Variants in CDH12 observed in about 807,000 individuals in gnomAD.
The protein encoded by CDH12 is cadherin 12.
Under a neutral mutation model 74.1 loss-of-function variants are expected in CDH12, and 41 were observed. The ratio of observed to expected loss-of-function variants is 0.55; its 90% CI spans 0.43 to 0.72. The LOEUF (loss-of-function observed/expected upper bound fraction) is 0.72. Ranked by LOEUF, CDH12 falls within the 30% of genes least tolerant of loss-of-function variation. The probability of loss-of-function intolerance (pLI) is 0.00; values close to 1 mark genes in which losing one functional copy is unlikely to be tolerated. For missense variants in CDH12, 945 were observed against 977.2 expected, an observed-to-expected ratio of 0.97 and a Z score of 0.44; for synonymous variants, 399 against 355.0, an observed-to-expected ratio of 1.12 and a Z score of -1.39.
chr5:22,327,148 A>G (rs1413144115), intron 3 of CDH12, among the ~76,000 whole-genome samples: 2 of 152,138 alleles, frequency 1.3e-5, no homozygotes, highest in African/African-American at 4.8e-5. Context: ...TTAATACAAT[A>G]CAAATGTCTA....
At chr5:22,520,431 G>C (rs1737002287) in intron 1 of CDH12, among the ~76,000 whole-genome samples, 1 of 152,002 alleles carries the variant, frequency 6.6e-6, no homozygotes, top group African/African-American at 2.4e-5. Flanking sequence ...CCATTATAAG[G>C]AATCCAGCAA....
chr5:22,706,883 A>G (rs1743035090), intron 1 of CDH12, among the ~76,000 whole-genome samples: 1 of 152,154 alleles, frequency 6.6e-6, no homozygotes. Context: ...ATTCTGAAAA[A>G]GGGGGAAAAT....
chr5:22,517,894 C>T (rs1736873234), intron 1 of CDH12, among the ~76,000 whole-genome samples: 1 of 152,156 alleles, frequency 6.6e-6, no homozygotes, highest in Non-Finnish European at 1.5e-5. Flanking sequence ...GAGAAAATAT[C>T]TCACACATTA....
chr5:21,820,293 G>A (rs1343607901), intron 8 of CDH12, among the ~76,000 whole-genome samples: 4 of 152,060 alleles, frequency 2.6e-5, no homozygotes, highest in Non-Finnish European at 4.4e-5. Context: ...TAAATAGGGT[G>A]TTTTGTTTTA....
chr5:21,751,526 G>T lies in CDH12; in HGVS notation c.*211C>A. On this transcript the variant is annotated 3_prime_UTR_variant, in exon 15 of 15. Transcript: ENST00000382254. ...GTACACATTATAGGATGTATCTCTT[G>T]TTGGCAGAATAAACCAAAACTGACA... is the stretch of plus-strand genomic sequence containing the variant. 1.8e-6 allele frequency: 1 copy of T among 550,844 alleles called. No individual in the cohort carries two copies. Among genetic ancestry groups the T allele is most frequent in the Non-Finnish European group, 3.2e-6 (1 of 310,500 alleles). The allele number at this position is 550,844 out of a possible 1,614,324, so 34.1% of individuals were successfully genotyped here. A position where few individuals can be genotyped will look rare whatever the true frequency, so the allele number is the denominator to read the frequency against.
intron 1 of CDH12, among the ~76,000 whole-genome samples, chr5:22,794,622 G>A (rs1174503057): frequency 6.6e-6 from 1 of 152,022 alleles, no homozygotes; most frequent in African/African-American, 2.4e-5. Context: ...GATTTAGAGA[G>A]AATAGAAAAA....
At chr5:22,033,011 A>T in intron 5 of CDH12, among the ~76,000 whole-genome samples, 1 of 147,932 alleles carries the variant, frequency 6.8e-6, no homozygotes, top group East Asian at 2.0e-4. Flanking sequence ...ACCACAGCCA[A>T]GAGGCTATAT....
chr5:22,474,467 T>G (rs991901605), intron 2 of CDH12, among the ~76,000 whole-genome samples: 4 of 152,012 alleles, frequency 2.6e-5, no homozygotes, highest in African/African-American at 9.7e-5. Flanking sequence ...GATAACTGAG[T>G]GGTCAAATAG....
rs115181502 is a variant in CDH12 at position 22,356,324 on chromosome 5, G to T, written c.-333+48933C>A. Among the ~76,000 whole-genome samples the T allele has an allele frequency of 5.8e-4, 88 of 152,184 alleles. 1 individual carries two copies. The highest frequency in any genetic ancestry group is 2.0e-3 in the African/African-American group (84 of 41,522). On this transcript the variant is annotated intron_variant, in intron 3 of 14. Coordinates refer to ENST00000382254, the MANE Select transcript of CDH12 (RefSeq NM_004061.5). Reference sequence around the variant, plus strand: ...GATAAGATAATTCATATCACATTTAGATAACAATGGTTTTATTATGCAGCT... The same window carrying T: ...GATAAGATAATTCATATCACATTTATATAACAATGGTTTTATTATGCAGCT...
chr5:21,752,256 G>A lies in CDH12; in HGVS notation c.1886-20C>T, dbSNP rs762658870. 2 of 1,558,218 alleles carry A rather than the reference G, an allele frequency of 1.3e-6. No homozygotes were observed. The highest frequency in any genetic ancestry group is 2.8e-5 in the African/African-American group (2 of 72,388). ...CTATGGCTGGAACAAGACAAAAATT[G>A]CAATTTGAGAATAGAAAGCAGATAG... On this transcript the variant is annotated intron_variant, in intron 14 of 14. Coordinates refer to ENST00000382254, the MANE Select transcript of CDH12 (RefSeq NM_004061.5).
chr5:22,119,642 T>C (rs1029966213), intron 4 of CDH12, among the ~76,000 whole-genome samples: 3 of 152,070 alleles, frequency 2.0e-5, no homozygotes, highest in South Asian at 2.1e-4. Flanking sequence ...TTTAAGTATA[T>C]AAATTATGGG....
At chr5:22,125,253 C>T (rs1295990794) in intron 4 of CDH12, among the ~76,000 whole-genome samples, 1 of 152,042 alleles carries the variant, frequency 6.6e-6, no homozygotes, top group African/African-American at 2.4e-5. Flanking sequence ...AATGCTCTCC[C>T]TCCCCTTGTC....
At chr5:22,784,166 T>C (rs535200393) in intron 1 of CDH12, among the ~76,000 whole-genome samples, 2 of 152,226 alleles carry the variant, frequency 1.3e-5, no homozygotes, top group African/African-American at 2.4e-5. Context: ...TCATAAAATA[T>C]ACCATCTAGT....
intron 11 of CDH12, among the ~76,000 whole-genome samples, chr5:21,767,910 CT>C (rs1745115722): frequency 6.6e-6 from 1 of 151,546 alleles, no homozygotes; most frequent in Admixed American, 6.6e-5. Flanking sequence ...ATACAGCATA[CT>C]TTAATTTATA....
chr5:21,834,908 C>G (rs1270187831), intron 8 of CDH12, among the ~76,000 whole-genome samples: 2 of 151,936 alleles, frequency 1.3e-5, no homozygotes, highest in African/African-American at 4.8e-5. Flanking sequence ...TTTAGCCATA[C>G]TTCCTTGGTA....
chr5:21,985,613 ATATGAG>A (rs201951708), intron 5 of CDH12, among the ~76,000 whole-genome samples: 2,773 of 152,270 alleles, frequency 0.018, 45 homozygotes, highest in African/African-American at 0.041. Context: ...AAACCAGTCA[ATATGAG>A]TATAAGAAAA....
intron 9 of CDH12, among the ~76,000 whole-genome samples, chr5:21,802,861 G>A (rs993697016): frequency 6.6e-6 from 1 of 151,944 alleles, no homozygotes; most frequent in Admixed American, 6.6e-5. Context: ...CAAAGGACTG[G>A]GATTACAGAA....
chr5:21,760,269 C>G (rs372102200), intron 13 of CDH12, among the ~76,000 whole-genome samples: 2 of 152,080 alleles, frequency 1.3e-5, no homozygotes, highest in South Asian at 4.1e-4. Flanking sequence ...ATATTTGGGA[C>G]AAATGATATG....
chr5:22,587,778 T>A (rs1035788382), intron 1 of CDH12, among the ~76,000 whole-genome samples: 3 of 151,900 alleles, frequency 2.0e-5, no homozygotes, highest in African/African-American at 4.8e-5. Flanking sequence ...GAATGGCACA[T>A]TACTTTTCTA....
Sources: gnomAD v4.1 joint callset for allele counts (sites outside exome capture counted in the v4.1 genomes callset) on GRCh38, gnomAD v4.1.1 for gene constraint, MANE v1.5 for transcripts, NCBI Gene and HGNC (gene_info 2026-07-23, HGNC 2026-07-21) for gene names.